CNOT1: variants seen among roughly 807,000 people sequenced by gnomAD.
CNOT1 encodes the protein CCR4-associated factor 1.
Under a neutral mutation model 273.8 loss-of-function variants are expected in CNOT1, and 15 were observed. The observed-to-expected ratio is 0.05, with a 90% CI of 0.04 to 0.08. The LOEUF is 0.08. Among genes scored for constraint, CNOT1 ranks in the 10% least tolerant of loss-of-function variants. The pLI, the probability that CNOT1 is intolerant of heterozygous loss-of-function variation, is 1.00. For synonymous variants in CNOT1, 1,022 were observed against 1,005.5 expected (o/e 1.02, Z -0.31); for missense variants, 1,644 against 2,912.2 (o/e 0.56, Z 10.02).
intron 31 of CNOT1, chr16:58,543,310 G>C (rs1364726879): frequency 7.8e-6 from 12 of 1,547,914 alleles, no homozygotes; most frequent in Non-Finnish European, 8.7e-6. Context: ...ACAGAAATGA[G>C]ATTGTCAGAT....
chr16:58,549,065 G>A (rs1030225992), intron 25 of CNOT1, among the ~76,000 whole-genome samples: 3 of 152,280 alleles, frequency 2.0e-5, no homozygotes, highest in African/African-American at 7.2e-5. Flanking sequence ...GAGGAGGGTG[G>A]ATCACCTAAG....
intron 1 of CNOT1, among the ~76,000 whole-genome samples, chr16:58,610,210 G>A (rs920880449): frequency 6.6e-6 from 1 of 152,214 alleles, no homozygotes; most frequent in African/African-American, 2.4e-5. Context: ...TTGAAGCCAG[G>A]AGTTCAAAAC....
intron 12 of CNOT1, among the ~76,000 whole-genome samples, chr16:58,580,073 G>A (rs765042744): frequency 7.2e-5 from 11 of 152,092 alleles, no homozygotes; most frequent in Admixed American, 1.3e-4. Flanking sequence ...AGCCCAGGGC[G>A]GTGGTGAGCA....
Position 58,599,317 on chromosome 16 carries a change from C to T in CNOT1, c.21G>A (p.Ser7=), listed in dbSNP as rs1220866035. Residue 7 remains serine (S), a synonymous_variant, in exon 2 of 49, where the codon TCG becomes TCA. Transcript: ENST00000317147. MNLDSL[S]LALSQISYLV... The stretch of plus-strand genomic sequence containing the variant: ...GGTAGCTGATTTGAGACAAGGCCAG[C>T]GAGAGCGAGTCAAGATTCATTGCTG... The T allele has an allele frequency of 2.5e-6, 4 of 1,614,044 alleles. No homozygotes were observed. The highest frequency in any genetic ancestry group is 2.2e-5 in the South Asian group (2 of 91,086).
intron 1 of CNOT1, chr16:58,624,532 G>A (rs960581684): frequency 2.6e-5 from 4 of 152,266 alleles, no homozygotes; most frequent in East Asian, 1.9e-4. Flanking sequence ...TGGGTGCGAC[G>A]GCTTACGCCT....
rs993885043 is a variant in CNOT1 at position 58,555,137 on chromosome 16, G to A, written c.2891+114C>T. The A allele has an allele frequency of 2.7e-6, 4 of 1,455,104 alleles. No homozygotes were observed. In the Admixed American group the frequency reaches 8.7e-5, roughly 32 times the overall value. The allele number at this position is 1,455,104 out of a possible 1,614,324, so 90.1% of individuals were successfully genotyped here. ...GTGGGAGAATCACTTGAGCCCGCAA[G>A]GTCAAGGCTGCAGTGAGCCGAGATT... On this transcript the variant is annotated intron_variant, in intron 21 of 48. Transcript: ENST00000317147.
rs541839866 is a variant in CNOT1 at position 58,620,350 on chromosome 16, A to C, written c.-175+9378T>G. ...TAGAGATGACATTCCAGATGTAAAAAGACGAAGAGGCTGGGTGCGGTGGCT... is the reference window on the plus strand; with the variant it reads ...TAGAGATGACATTCCAGATGTAAAACGACGAAGAGGCTGGGTGCGGTGGCT... On this transcript the variant is annotated intron_variant, in intron 1 of 48. Transcript: ENST00000317147. Among the ~76,000 whole-genome samples, 3 of 152,236 alleles carry C rather than the reference A, an allele frequency of 2.0e-5. No individual in the cohort carries two copies. In the East Asian group the frequency reaches 5.8e-4, roughly 29 times the overall value.
intron 47 of CNOT1, among the ~76,000 whole-genome samples, chr16:58,521,621 T>C (rs998024500): frequency 2.0e-5 from 3 of 152,142 alleles, no homozygotes; most frequent in African/African-American, 7.2e-5. Flanking sequence ...CCAGAGTACA[T>C]GGCACACAAA....
intron 4 of CNOT1, 53 bp downstream of exon 4, chr16:58,587,727 T>G: frequency 6.4e-7 from 1 of 1,567,584 alleles, no homozygotes; most frequent in Non-Finnish European, 8.6e-7. Flanking sequence ...CTTAGGGACT[T>G]TTTAGAAAGC....
Position 58,547,701 on chromosome 16 carries a change from A to G in CNOT1, c.3523-19T>C, listed in dbSNP as rs756795460. 3 of 1,605,538 alleles carry G rather than the reference A, an allele frequency of 1.9e-6. No individual in the cohort carries two copies. In the African/African-American group the frequency reaches 4.0e-5, roughly 21 times the overall value. ...GGAGCACCTGAAATAGTGTAAGATT[A>G]AGAAAGATATGAGAATAAGCTTATG... On this transcript the variant is annotated intron_variant, in intron 25 of 48. Coordinates refer to ENST00000317147, the MANE Select transcript of CNOT1 (RefSeq NM_016284.5). This position sits in a 1 kb window ranked among gnomAD's most constrained non-coding sequence, Gnocchi z 4.0.
chr16:58,591,033 C>T (rs2042034285), intron 2 of CNOT1, among the ~76,000 whole-genome samples: 1 of 152,174 alleles, frequency 6.6e-6, no homozygotes, highest in Non-Finnish European at 1.5e-5. Flanking sequence ...AACATTGATG[C>T]AGGCGGTTAC....
chr16:58,522,237 C>CAAAAAA (rs56149974), intron 47 of CNOT1, among the ~76,000 whole-genome samples: 12 of 98,596 alleles, frequency 1.2e-4, no homozygotes, highest in East Asian at 5.0e-4. Flanking sequence ...GAGACTGTCT[C>CAAAAAA]AAAAAAAAAA....
At chr16:58,573,629 C>T (rs376909268) in intron 16 of CNOT1, among the ~76,000 whole-genome samples, 8 of 151,534 alleles carry the variant, frequency 5.3e-5, no homozygotes, top group East Asian at 4.0e-4. Flanking sequence ...TACAGGCGCC[C>T]GCCACCACGC....
chr16:58,626,078 T>C (rs1165625479), intron 1 of CNOT1, among the ~76,000 whole-genome samples: 2 of 152,126 alleles, frequency 1.3e-5, no homozygotes, highest in African/African-American at 2.4e-5. Flanking sequence ...TCAGTTAATA[T>C]ATATGACTTG....
chr16:58,609,713 T>C (rs2042822712), intron 1 of CNOT1, among the ~76,000 whole-genome samples: 1 of 152,034 alleles, frequency 6.6e-6, no homozygotes, highest in South Asian at 2.1e-4. Flanking sequence ...TCCTCCCACC[T>C]CAGCCACCCA....
Position 58,520,825 on chromosome 16 carries a change from G to A in CNOT1, c.*133C>T. 1 of 874,328 alleles carries A rather than the reference G, an allele frequency of 1.1e-6. No individual in the cohort carries two copies. Among genetic ancestry groups the A allele is most frequent in the South Asian group, 1.5e-5 (1 of 65,646 alleles). 54.2% of individuals were successfully genotyped at this position (874,328 alleles called of 1,614,324 possible). On this transcript the variant is annotated 3_prime_UTR_variant, in exon 49 of 49. Coordinates refer to ENST00000317147, the MANE Select transcript of CNOT1 (RefSeq NM_016284.5). ...ATAAGACAGGAGGCTGATCCCAACA[G>A]TAGTTGGGGCAGATACCCACAAACC... is the stretch of plus-strand genomic sequence containing the variant.
At chr16:58,562,543 G>C (rs1323441007) in intron 16 of CNOT1, among the ~76,000 whole-genome samples, 2 of 151,740 alleles carry the variant, frequency 1.3e-5, no homozygotes, top group South Asian at 2.1e-4. Flanking sequence ...CGGGGGGGCG[G>C]CCAGGCACGG....
chr16:58,549,709 C>T lies in CNOT1; in HGVS notation c.3522+10G>A. On this transcript the variant is annotated intron_variant, in intron 25 of 48. Transcript: ENST00000317147. ...CAATAATTAAAGGAAATATAAGAAC[C>T]AACTCTTACTTTAATGTTTCTGTAG... 1 of 1,580,932 alleles carries T rather than the reference C, an allele frequency of 6.3e-7. No homozygotes were observed. Among genetic ancestry groups the T allele is most frequent in the Non-Finnish European group, 8.6e-7 (1 of 1,168,754 alleles).
chr16:58,552,724 C>A (rs1222861497), intron 22 of CNOT1, among the ~76,000 whole-genome samples: 5 of 152,110 alleles, frequency 3.3e-5, no homozygotes, highest in Non-Finnish European at 7.3e-5. Flanking sequence ...TCTGATCTTC[C>A]TGATTCCTTA....
Sources: allele counts gnomAD v4.1 joint callset (sites outside exome capture counted in the v4.1 genomes callset), GRCh38; gene constraint gnomAD v4.1.1; non-coding constraint Gnocchi (gnomAD v3.1); transcripts MANE v1.5; gene names NCBI Gene and HGNC (gene_info 2026-07-23, HGNC 2026-07-21).